GNS: variants seen among roughly 807,000 people sequenced by gnomAD.
GNS encodes the protein N-acetylglucosamine-6-sulfatase.
GNS carries 40 observed loss-of-function variants against 69.7 expected under a neutral mutation model. The ratio of observed to expected loss-of-function variants is 0.57; its 90% CI spans 0.45 to 0.75. GNS has a LOEUF of 0.75. Among genes scored for constraint, GNS ranks in the 30% least tolerant of loss-of-function variants. GNS has a pLI of 0.00. For missense variants in GNS, 565 were observed against 685.5 expected, an observed-to-expected ratio of 0.82 and a Z score of 1.96; for synonymous variants, 243 against 251.6, an observed-to-expected ratio of 0.97 and a Z score of 0.32.
intron 2 of GNS, among the ~76,000 whole-genome samples, chr12:64,748,390 T>C (rs1353141860): frequency 6.6e-6 from 1 of 151,384 alleles, no homozygotes; most frequent in East Asian, 1.9e-4. Context: ...TTTTTATTTG[T>C]AGAGATAACG....
At chr12:64,718,028 G>A (rs1322092389) in intron 13 of GNS, among the ~76,000 whole-genome samples, 1 of 152,156 alleles carries the variant, frequency 6.6e-6, no homozygotes, top group African/African-American at 2.4e-5. Flanking sequence ...ATTCTCCTTT[G>A]CTGCTGAAGC....
Position 64,750,955 on chromosome 12 carries a change from C to T in GNS, c.252+1743G>A, listed in dbSNP as rs141976384. Among the ~76,000 whole-genome samples, 636 of 152,218 alleles carry T rather than the reference C, an allele frequency of 4.2e-3. 10 individuals are homozygous for T. Among genetic ancestry groups the T allele is most frequent in the African/African-American group, 0.014 (584 of 41,530 alleles). On this transcript the variant is annotated intron_variant, in intron 2 of 13. Transcript: ENST00000258145. ...GTATATAAAATGATGTGCATATCTA[C>T]GTATCAAATATTTTTTATCTTACCA...
rs1870128683 is a variant in GNS, at chr12:64,753,012, C to A, written c.193-255G>T. On this transcript the variant is annotated intron_variant, in intron 1 of 13. Coordinates refer to ENST00000258145, the MANE Select transcript of GNS (RefSeq NM_002076.4). ...AGTTGATGGCAATAACATCTTTGTG[C>A]CCTTATTAGTCATCAGCGCCCAGAT... 10 of 529,694 alleles carry A rather than the reference C, an allele frequency of 1.9e-5. No homozygotes were observed. The Admixed American group carries it at 3.3e-4, about 17-fold the overall frequency. The allele number at this position is 529,694 out of a possible 1,614,324, so 32.8% of individuals were successfully genotyped here. A position where few individuals can be genotyped will look rare whatever the true frequency, so the allele number is the denominator to read the frequency against.
Position 64,759,035 on chromosome 12 carries a change from G to A in GNS, c.192+50C>T, listed in dbSNP as rs113987856. 3.5e-5 allele frequency: 49 copies of A among 1,409,478 alleles called. 1 individual carries two copies. The highest frequency in any genetic ancestry group is 3.1e-4 in the African/African-American group (22 of 70,620). 87.3% of individuals were successfully genotyped at this position (1,409,478 alleles called of 1,614,324 possible). ...GGACCGGGAAAGAGAGCAACAAACC[G>A]GGTAGTCAGCCCAAGAGATAGAGGG... is the stretch of plus-strand genomic sequence containing the variant. On this transcript the variant is annotated intron_variant, in intron 1 of 13. Coordinates refer to ENST00000258145, the MANE Select transcript of GNS (RefSeq NM_002076.4).
At chr12:64,725,021 A>T (rs1163620400) in intron 10 of GNS, among the ~76,000 whole-genome samples, 1 of 152,210 alleles carries the variant, frequency 6.6e-6, no homozygotes, top group Non-Finnish European at 1.5e-5. Flanking sequence ...AGTCTAGATC[A>T]GTGGTTCCTG....
At chr12:64,717,862 T>C (rs1868915228) in intron 13 of GNS, among the ~76,000 whole-genome samples, 1 of 152,174 alleles carries the variant, frequency 6.6e-6, no homozygotes. Flanking sequence ...GCACTATCCT[T>C]GGGGCTTCAC....
chr12:64,747,791 TG>T lies in GNS; in HGVS notation c.379del (p.Gln127LysfsTer25), dbSNP rs1869941124. On this transcript the variant is annotated frameshift_variant, in exon 3 of 14. Transcript: ENST00000258145. LOFTEE classifies it high-confidence loss of function. ...AATTGCTGGGAAAGTATTTGGTTCT[TG>T]GATCTTCTGCCAGGACTTACTACTG... ...NCSSKSWQKI[Q>X]EPNTFPAILR... 1 of 1,612,788 alleles carries T rather than the reference TG, an allele frequency of 6.2e-7. No individual in the cohort carries two copies. Among genetic ancestry groups the T allele is most frequent in the Non-Finnish European group, 8.5e-7 (1 of 1,178,734 alleles).
rs768197243 is a variant in GNS at position 64,729,029 on chromosome 12, G to T, written c.1127C>A (p.Pro376His). The change falls in exon 10 of 14, where the codon CCT becomes CAT. Residue 376 changes from proline to histidine, a missense_variant. Physicochemically the swap from Pro to His is moderately conservative, Grantham distance 77. Coordinates refer to ENST00000258145, the MANE Select transcript of GNS (RefSeq NM_002076.4). ...KMLVANIDLG[P>H]TILDIAGYDL... ...GTAGCCAGCAATGTCCAAAATAGTA[G>T]GACCCAAGTCAATGTTGGCAACCAG... 6.3e-7 allele frequency: 1 copy of T among 1,593,402 alleles called. No individual in the cohort carries two copies.
At chr12:64,735,539 T>C (rs1007958929) in intron 9 of GNS, among the ~76,000 whole-genome samples, 10 of 152,252 alleles carry the variant, frequency 6.6e-5, no homozygotes, top group African/African-American at 1.7e-4. Context: ...TTCTGATTTT[T>C]AACATTTAGA....
chr12:64,754,464 G>A lies in GNS; in HGVS notation c.193-1707C>T, dbSNP rs140685368. On this transcript the variant is annotated intron_variant, in intron 1 of 13. Coordinates refer to ENST00000258145, the MANE Select transcript of GNS (RefSeq NM_002076.4). Reference sequence around the variant, plus strand: ...GCAAGTACAAGGGCTGCCAGAGGAAGGAGAGAGGCACCTGGGAGGAAACAG... The same window carrying A: ...GCAAGTACAAGGGCTGCCAGAGGAAAGAGAGAGGCACCTGGGAGGAAACAG... Among the ~76,000 whole-genome samples the A allele has an allele frequency of 9.5e-4, 144 of 152,320 alleles. 2 individuals carry two copies. The highest frequency in any genetic ancestry group is 3.4e-3 in the Middle Eastern group (1 of 294).
intron 6 of GNS, among the ~76,000 whole-genome samples, chr12:64,741,015 A>G (rs1869713174): frequency 6.6e-6 from 1 of 151,996 alleles, no homozygotes; most frequent in Non-Finnish European, 1.5e-5. Context: ...TACATTTACA[A>G]CTCTGATCTT....
At position 64,759,399 on chromosome 12, in the gene GNS, A is replaced by C; in HGVS notation, c.-123T>G. The C allele has an allele frequency of 1.5e-6, 1 of 669,480 alleles. No homozygotes were observed. Among genetic ancestry groups the C allele is most frequent in the Non-Finnish European group, 2.5e-6 (1 of 401,938 alleles). The allele number at this position is 669,480 out of a possible 1,614,324, so 41.5% of individuals were successfully genotyped here. On this transcript the variant is annotated 5_prime_UTR_variant, in exon 1 of 14. Transcript: ENST00000258145. ...CCGTGCCTTGAAGGCCGGTGGCTGG[A>C]GTCAGACGTTTTCTCCCTAGGCGCG...
At chr12:64,748,049 TA>T in intron 2 of GNS, 131 bp from the exon 3 acceptor site, 1 of 683,786 alleles carries the variant, frequency 1.5e-6, no homozygotes, top group Non-Finnish European at 2.6e-6. Flanking sequence ...GGAATATATA[TA>T]TTTTTTTCTA....
At chr12:64,742,596 C>T (rs1869779653) in intron 6 of GNS, among the ~76,000 whole-genome samples, 1 of 152,174 alleles carries the variant, frequency 6.6e-6, no homozygotes, top group Admixed American at 6.5e-5. Flanking sequence ...GATAACAAAC[C>T]TGAGGCAATG....
intron 6 of GNS, among the ~76,000 whole-genome samples, chr12:64,742,345 A>G (rs943746641): frequency 6.6e-6 from 1 of 152,188 alleles, no homozygotes; most frequent in Non-Finnish European, 1.5e-5. Flanking sequence ...AACACAGTTC[A>G]CTCAGCTTTG....
At chr12:64,727,304 C>T (rs1869235581) in intron 10 of GNS, among the ~76,000 whole-genome samples, 1 of 150,468 alleles carries the variant, frequency 6.6e-6, no homozygotes. Flanking sequence ...GACGTGGTAG[C>T]CAGCAACTGC....
rs1231699139 is a variant in GNS, at chr12:64,720,133, T to C, written c.1469A>G (p.Asn490Ser). The change falls in exon 13 of 14, where the codon AAC becomes AGC. Residue 490 changes from asparagine to serine, a missense_variant. Physicochemically the swap from Asn to Ser is conservative, Grantham distance 46 (BLOSUM62 1). This residue lies in a region of GNS where 384 missense variants were observed against 511.0 expected (regional missense o/e 0.75). Coordinates refer to ENST00000258145, the MANE Select transcript of GNS (RefSeq NM_002076.4). ...CTCTGGGTCTATGGTTTTAGCAATG[T>C]TAGTGATCTGGTCTGGGTCTGCAGT... is the stretch of plus-strand genomic sequence containing the variant. ...NLTADPDQIT[N>S]IAKTIDPELL... 1.2e-6 allele frequency: 2 copies of C among 1,605,064 alleles called. No homozygotes were observed.
At chr12:64,749,931 A>G (rs991977195) in intron 2 of GNS, among the ~76,000 whole-genome samples, 2 of 146,466 alleles carry the variant, frequency 1.4e-5, no homozygotes, top group Non-Finnish European at 3.0e-5. Flanking sequence ...GATGGAGTAC[A>G]GTGGTGCGAT....
intron 2 of GNS, among the ~76,000 whole-genome samples, chr12:64,748,158 T>C (rs918596715): frequency 1.3e-5 from 2 of 152,078 alleles, no homozygotes; most frequent in African/African-American, 2.4e-5. Flanking sequence ...GGCTTCTTTC[T>C]GCAGGATAAC....
Sources: gnomAD v4.1 joint callset for allele counts (sites outside exome capture counted in the v4.1 genomes callset) on GRCh38, gnomAD v4.1.1 for gene constraint, gnomAD v4.1.1 regional missense constraint, MANE v1.5 for transcripts, NCBI Gene and HGNC (gene_info 2026-07-23, HGNC 2026-07-21) for gene names.